YAP1: variants seen among roughly 807,000 people sequenced by gnomAD.
YAP1 encodes Yes1 associated transcriptional regulator.
YAP1 carries 5 observed loss-of-function variants against 56.9 expected under a neutral mutation model. That is an observed-to-expected ratio of 0.09 (90% CI 0.05 to 0.18). YAP1 has a LOEUF of 0.18. Ranked by LOEUF, YAP1 falls within the 10% of genes least tolerant of loss-of-function variation. The pLI is 1.00. For synonymous variants in YAP1, 265 were observed against 248.1 expected (o/e 1.07, Z -0.64); for missense variants, 539 against 651.8 (o/e 0.83, Z 1.88).
chr11:102,183,603 A>G (rs1360519911), intron 3 of YAP1, among the ~76,000 whole-genome samples: 1 of 152,094 alleles, frequency 6.6e-6, no homozygotes, highest in African/African-American at 2.4e-5. Context: ...TGGAATTTAC[A>G]AAATGAAGTG....
chr11:102,207,932 G>A (rs1019984611), intron 5 of YAP1, among the ~76,000 whole-genome samples: 1 of 152,178 alleles, frequency 6.6e-6, no homozygotes, highest in Non-Finnish European at 1.5e-5. Flanking sequence ...CAAGTTCTAT[G>A]CCAAAGCACA....
At position 102,114,669 on chromosome 11, in the gene YAP1, T is replaced by C. The variant is rs1943164957; in HGVS notation, c.572+275T>C. Among the ~76,000 whole-genome samples, 2 of 152,226 alleles carry C rather than the reference T, an allele frequency of 1.3e-5. 1 individual carries two copies. The highest frequency in any genetic ancestry group is 4.1e-4 in the South Asian group (2 of 4,834). On this transcript the variant is annotated intron_variant, in intron 2 of 8. Transcript: ENST00000282441. ...TGTGGAAGTTTGGTTATTCTCATTT[T>C]GAGCTTGTGCCAAACCTTTTAATTA...
intron 2 of YAP1, among the ~76,000 whole-genome samples, chr11:102,122,238 T>G (rs1209931006): frequency 6.7e-6 from 1 of 150,014 alleles, no homozygotes; most frequent in African/African-American, 2.5e-5. Context: ...TGGCCAACAG[T>G]GAAAACCGAT....
intron 2 of YAP1, among the ~76,000 whole-genome samples, chr11:102,119,391 A>G (rs1337019358): frequency 6.6e-6 from 1 of 152,162 alleles, no homozygotes; most frequent in Non-Finnish European, 1.5e-5. Flanking sequence ...GCATTATTTA[A>G]TTAATTTGCA....
At chr11:102,219,823 G>A (rs1163036921) in intron 6 of YAP1, among the ~76,000 whole-genome samples, 1 of 151,846 alleles carries the variant, frequency 6.6e-6, no homozygotes, top group Non-Finnish European at 1.5e-5. Context: ...GAGTGCAGTG[G>A]CGCAATCTCA....
chr11:102,155,876 G>A (rs1426804221), intron 2 of YAP1, among the ~76,000 whole-genome samples: 3 of 152,118 alleles, frequency 2.0e-5, no homozygotes, highest in South Asian at 4.1e-4. Flanking sequence ...ATCCTTATTT[G>A]GAAGCCACTG....
intron 4 of YAP1, among the ~76,000 whole-genome samples, chr11:102,191,704 G>A (rs1329292109): frequency 3.3e-5 from 5 of 151,848 alleles, no homozygotes; most frequent in Non-Finnish European, 5.9e-5. Context: ...TTTGGAGAGA[G>A]GGTCTCACTC....
rs550925743 is a variant in YAP1 at position 102,112,492 on chromosome 11, A to T, written c.321+1323A>T. On this transcript the variant is annotated intron_variant, in intron 1 of 8. Transcript: ENST00000282441. ...ACTTCAGCATAGGAACTTTGCCCAA[A>T]AGTTAATAGGTTTTCCAAATACTGC... 11 of 982,098 alleles carry T rather than the reference A, an allele frequency of 1.1e-5. No individual in the cohort carries two copies. In the East Asian group the frequency reaches 1.1e-3, roughly 102 times the overall value. The allele number at this position is 982,098 out of a possible 1,614,324, so 60.8% of individuals were successfully genotyped here.
chr11:102,139,845 A>G (rs776312654), intron 2 of YAP1, among the ~76,000 whole-genome samples: 3 of 152,038 alleles, frequency 2.0e-5, no homozygotes, highest in Non-Finnish European at 4.4e-5. Flanking sequence ...TGAAAACATC[A>G]TTTATTTTTG....
rs1215918154 is a variant in YAP1 at position 102,232,055 on chromosome 11, G to A, written c.*2115G>A. The A allele has an allele frequency of 6.6e-6, 1 of 152,468 alleles. No homozygotes were observed. Among genetic ancestry groups the A allele is most frequent in the Non-Finnish European group, 1.5e-5 (1 of 68,012 alleles). 9.4% of individuals were successfully genotyped at this position (152,468 alleles called of 1,614,324 possible). On this transcript the variant is annotated 3_prime_UTR_variant, in exon 9 of 9. Transcript: ENST00000282441. ...TTAAATCTTGAATTAAGTCTGGGGG[G>A]AAATGGCCACTGCAGATGGAGTTTT...
At chr11:102,136,313 C>T (rs1281360317) in intron 2 of YAP1, among the ~76,000 whole-genome samples, 1 of 151,032 alleles carries the variant, frequency 6.6e-6, no homozygotes, top group Non-Finnish European at 1.5e-5. Flanking sequence ...TGCTTTTAAT[C>T]CTTCCATGTG....
At chr11:102,123,066 C>T (rs1242348781) in intron 2 of YAP1, among the ~76,000 whole-genome samples, 3 of 152,018 alleles carry the variant, frequency 2.0e-5, no homozygotes, top group African/African-American at 7.2e-5. Flanking sequence ...ATTGCTATTT[C>T]TTGAATTTTC....
At chr11:102,193,341 T>A (rs999271576) in intron 4 of YAP1, among the ~76,000 whole-genome samples, 3 of 152,108 alleles carry the variant, frequency 2.0e-5, no homozygotes, top group Non-Finnish European at 2.9e-5. Context: ...TATGTTAAAT[T>A]CAGTAGGATA....
chr11:102,191,668 T>C (rs1332976948), intron 4 of YAP1, among the ~76,000 whole-genome samples: 1 of 152,124 alleles, frequency 6.6e-6, no homozygotes, highest in African/African-American at 2.4e-5. Context: ...CTTTTTTTCT[T>C]TTCTTCCTTT....
At position 102,166,015 on chromosome 11, in the gene YAP1, C is replaced by A. The variant is rs1024570424; in HGVS notation, c.688+3444C>A. On this transcript the variant is annotated intron_variant, in intron 3 of 8. Transcript: ENST00000282441. ...TCAAAGAGAGCACTCGAGGTTATTG[C>A]CTTTTATGGGGACGGTCAGACAGTA... Among the ~76,000 whole-genome samples, 4 of 152,126 alleles carry A rather than the reference C, an allele frequency of 2.6e-5. No individual in the cohort carries two copies. In the South Asian group the frequency reaches 8.3e-4, roughly 32 times the overall value.
At chr11:102,142,508 C>CA (rs1164157114) in intron 2 of YAP1, among the ~76,000 whole-genome samples, 1 of 152,060 alleles carries the variant, frequency 6.6e-6, no homozygotes, top group Non-Finnish European at 1.5e-5. Flanking sequence ...TCCTGAGAGC[C>CA]AAAAAAGGGC....
intron 3 of YAP1, among the ~76,000 whole-genome samples, chr11:102,182,336 GTCTCCTCTTACATT>G (rs1299727717): frequency 1.6e-4 from 25 of 152,148 alleles, no homozygotes; most frequent in Non-Finnish European, 7.4e-5. Context: ...AGCCACTGTG[GTCTCCTCTTACATT>G]TATTTTTGTG....
At chr11:102,136,403 C>G (rs1944677520) in intron 2 of YAP1, among the ~76,000 whole-genome samples, 1 of 150,906 alleles carries the variant, frequency 6.6e-6, no homozygotes, top group South Asian at 2.1e-4. Context: ...TGCAGTGGCA[C>G]AATCTCGGCT....
chr11:102,125,199 T>G (rs1237929122), intron 2 of YAP1, among the ~76,000 whole-genome samples: 1 of 151,640 alleles, frequency 6.6e-6, no homozygotes, highest in Non-Finnish European at 1.5e-5. Flanking sequence ...TGTGTGTATG[T>G]TTTGTAGAGA....
Sources: allele counts gnomAD v4.1 joint callset (sites outside exome capture counted in the v4.1 genomes callset), GRCh38; gene constraint gnomAD v4.1.1; transcripts MANE v1.5; gene names NCBI Gene and HGNC (gene_info 2026-07-23, HGNC 2026-07-21).